PICALM: variants seen among roughly 807,000 people sequenced by gnomAD.
PICALM encodes phosphatidylinositol-binding clathrin assembly protein.
Under a neutral mutation model 80.5 loss-of-function variants are expected in PICALM, and 40 were observed. That is an observed-to-expected ratio of 0.50 (90% CI 0.39 to 0.65). PICALM has a LOEUF of 0.65. Ranked by LOEUF, PICALM falls within the 30% of genes least tolerant of loss-of-function variation. The pLI, the probability that PICALM is intolerant of heterozygous loss-of-function variation, is 0.00. For synonymous variants in PICALM, 288 were observed against 260.3 expected (o/e 1.11, Z -1.02); for missense variants, 676 against 778.9 (o/e 0.87, Z 1.57).
chr11:86,032,421 G>A (rs1227638726), intron 1 of PICALM, among the ~76,000 whole-genome samples: 2 of 152,060 alleles, frequency 1.3e-5, no homozygotes, highest in Non-Finnish European at 2.9e-5. Context: ...TCAGGAGTTC[G>A]AGACCAGCCT....
chr11:85,965,648 T>C (rs1051969616), intron 19 of PICALM, among the ~76,000 whole-genome samples: 2 of 152,146 alleles, frequency 1.3e-5, no homozygotes, highest in Non-Finnish European at 2.9e-5. Flanking sequence ...CTCTACTATA[T>C]ACATGTAGGG....
intron 1 of PICALM, among the ~76,000 whole-genome samples, chr11:86,053,898 C>G (rs2096231233): frequency 6.6e-6 from 1 of 152,072 alleles, no homozygotes; most frequent in Non-Finnish European, 1.5e-5. Flanking sequence ...TGGTAGAAAT[C>G]CAGCTTTAAA....
intron 1 of PICALM, among the ~76,000 whole-genome samples, chr11:86,032,436 A>G (rs956953372): frequency 6.6e-6 from 1 of 152,144 alleles, no homozygotes; most frequent in African/African-American, 2.4e-5. Context: ...CAGCCTGGCC[A>G]ATATGCTGAA....
At chr11:85,978,404 G>A (rs1206666965) in intron 17 of PICALM, 1 of 183,628 alleles carries the variant, frequency 5.4e-6, no homozygotes, top group Non-Finnish European at 1.1e-5. Context: ...CATAAACAGG[G>A]TTGCATCAGA....
At chr11:86,040,584 T>A (rs1345623519) in intron 1 of PICALM, among the ~76,000 whole-genome samples, 1 of 152,158 alleles carries the variant, frequency 6.6e-6, no homozygotes, top group African/African-American at 2.4e-5. Context: ...TTCATCTATA[T>A]CCCTAACATT....
At chr11:86,030,409 G>A (rs184251986) in intron 2 of PICALM, among the ~76,000 whole-genome samples, 94 of 152,264 alleles carry the variant, frequency 6.2e-4, no homozygotes, top group Admixed American at 1.4e-3. Flanking sequence ...AAGTCATTAC[G>A]CTCAGAAAAC....
intron 19 of PICALM, among the ~76,000 whole-genome samples, chr11:85,959,582 G>A (rs1226357890): frequency 2.2e-5 from 3 of 135,254 alleles, no homozygotes; most frequent in African/African-American, 8.5e-5. Flanking sequence ...GCAGTGAGCT[G>A]AGATCGTGCC....
chr11:86,011,888 T>C (rs978584171), intron 6 of PICALM, among the ~76,000 whole-genome samples: 3 of 151,398 alleles, frequency 2.0e-5, no homozygotes, highest in Non-Finnish European at 4.4e-5. Flanking sequence ...TTCGCTCTTG[T>C]TGCCCAGGCT....
At chr11:86,022,770 A>AAC (rs200189296) in intron 3 of PICALM, among the ~76,000 whole-genome samples, 1 of 130,534 alleles carries the variant, frequency 7.7e-6, no homozygotes, top group African/African-American at 3.0e-5. Context: ...GAATTAGAAA[A>AAC]ACGTTCTTTT....
At chr11:86,015,941 C>G (rs545733738) in intron 4 of PICALM, among the ~76,000 whole-genome samples, 1 of 152,184 alleles carries the variant, frequency 6.6e-6, no homozygotes, top group Admixed American at 6.5e-5. Flanking sequence ...TAGGACACAA[C>G]AAAGTTTAAT....
intron 1 of PICALM, among the ~76,000 whole-genome samples, chr11:86,059,373 C>A (rs1037437274): frequency 6.6e-6 from 1 of 152,224 alleles, no homozygotes; most frequent in African/African-American, 2.4e-5. Context: ...ATAGCCACTA[C>A]AGTTTAACAA....
intron 19 of PICALM, among the ~76,000 whole-genome samples, chr11:85,973,905 CA>C (rs35407411): frequency 0.82 from 124,413 of 152,058 alleles, 51,102 homozygotes; most frequent in African/African-American, 0.89. Flanking sequence ...TTCTAGATGT[CA>C]AAACAGTACG....
intron 4 of PICALM, among the ~76,000 whole-genome samples, chr11:86,016,974 C>T (rs1438994962): frequency 6.6e-6 from 1 of 152,226 alleles, no homozygotes; most frequent in African/African-American, 2.4e-5. Flanking sequence ...GTAATCCCAG[C>T]ACTTTGGGAG....
chr11:86,015,615 A>T (rs1264499530), intron 4 of PICALM, among the ~76,000 whole-genome samples: 2 of 152,220 alleles, frequency 1.3e-5, no homozygotes, highest in African/African-American at 4.8e-5. Context: ...AGATAGAGAA[A>T]TTATTGGCAG....
chr11:86,034,279 G>A (rs1593162290), intron 1 of PICALM, among the ~76,000 whole-genome samples: 1 of 152,210 alleles, frequency 6.6e-6, no homozygotes, highest in South Asian at 2.1e-4. Flanking sequence ...ATTTAACTCA[G>A]CCAGTCATTT....
intron 1 of PICALM, among the ~76,000 whole-genome samples, chr11:86,048,379 A>G (rs1201549758): frequency 6.6e-6 from 1 of 152,208 alleles, no homozygotes; most frequent in African/African-American, 2.4e-5. Flanking sequence ...AAGTCAAAAC[A>G]GTATTTTGCA....
At chr11:86,018,658 A>G (rs961480349) in intron 4 of PICALM, among the ~76,000 whole-genome samples, 1 of 152,082 alleles carries the variant, frequency 6.6e-6, no homozygotes, top group Non-Finnish European at 1.5e-5. Flanking sequence ...GGAGGCCGAG[A>G]CAGGTAGCTC....
intron 5 of PICALM, among the ~76,000 whole-genome samples, chr11:86,014,207 T>A (rs1203888847): frequency 6.6e-6 from 1 of 152,092 alleles, no homozygotes; most frequent in African/African-American, 2.4e-5. Flanking sequence ...AAAGGAAAAA[T>A]CTATTTCAGC....
intron 2 of PICALM, among the ~76,000 whole-genome samples, chr11:86,030,655 T>C (rs1403909979): frequency 1.3e-5 from 2 of 152,190 alleles, no homozygotes; most frequent in African/African-American, 4.8e-5. Flanking sequence ...TTCAAAAGCG[T>C]ATATATCTTA....
Sources: gnomAD v4.1 joint callset for allele counts (sites outside exome capture counted in the v4.1 genomes callset) on GRCh38, gnomAD v4.1.1 for gene constraint, MANE v1.5 for transcripts, NCBI Gene and HGNC (gene_info 2026-07-23, HGNC 2026-07-21) for gene names.